Variants in TEAD2 observed in about 807,000 individuals in gnomAD.
TEAD2 encodes transcriptional enhancer factor TEF-4.
Under a neutral mutation model 61.4 loss-of-function variants are expected in TEAD2, and 51 were observed. The observed-to-expected ratio is 0.83, with a 90% confidence interval of 0.66 to 1.05. TEAD2 has a LOEUF of 1.05. TEAD2 is among the 50% of genes least tolerant of loss of function. The pLI is 0.00. For missense variants in TEAD2, 509 were observed against 600.0 expected (o/e 0.85, Z 1.58); for synonymous variants, 244 against 243.2 (o/e 1.00, Z -0.03).
In TEAD2 at chr19:49,342,517, A is replaced by C. The variant is rs1253955969; in HGVS notation, c.1163T>G (p.Val388Gly). 2 of 1,614,038 alleles carry C rather than the reference A, an allele frequency of 1.2e-6. No individual in the cohort carries two copies. The highest frequency in any genetic ancestry group is 1.7e-6 in the Non-Finnish European group (2 of 1,180,020). ...CTGCCGCAACTTGTGCAAGAAATTC[A>C]CCAGGTACTCGCACATGGGCGAGCG... ...LLRSPMCEYL[V>G]NFLHKLRQLP... Residue 388 changes from valine to glycine, a missense_variant, in exon 12 of 13, where the codon GTG becomes GGG. Physicochemically the swap from Val to Gly is moderately radical, Grantham distance 109. Coordinates refer to ENST00000593945, the MANE Select transcript of TEAD2 (RefSeq NM_001256660.2).
intron 5 of TEAD2, 59 bp downstream of exon 5, chr19:49,355,900 C>G: frequency 7.7e-7 from 1 of 1,290,810 alleles, no homozygotes; most frequent in Non-Finnish European, 9.8e-7. Context: ...TGCCCCTCCT[C>G]AGGGACAGGG....
chr19:49,360,001 C>A lies in TEAD2; in HGVS notation c.75G>T (p.Glu25Asp). 6.2e-7 allele frequency: 1 copy of A among 1,609,628 alleles called. No individual in the cohort carries two copies. Among genetic ancestry groups the A allele is most frequent in the Non-Finnish European group, 8.5e-7 (1 of 1,179,902 alleles). ...CAGCCCCCTCACTGCCGCCGGTACC[C>A]TCCTCACTGCCTTCCTCACTGCCCG... Reference protein sequence around the residue: ...GWTGSEEGSEEGTGGSEGAGG... With the variant: ...GWTGSEEGSEDGTGGSEGAGG... The change falls in exon 2 of 13, where the codon GAG (glutamate) becomes GAT (aspartate). Residue 25 changes from glutamate to aspartate, a missense_variant. Transcript: ENST00000593945.
chr19:49,341,891 C>G lies in TEAD2; in HGVS notation c.1243-454G>C, dbSNP rs1420629322. ...CTTCACCAGGGAAGGAGGGACCCACCTTATGTGCGAGTGCTGTGGGGCTGG... is the reference window on the plus strand; with the variant it reads ...CTTCACCAGGGAAGGAGGGACCCACGTTATGTGCGAGTGCTGTGGGGCTGG... On this transcript the variant is annotated intron_variant, in intron 12 of 12. Transcript: ENST00000593945. This position sits in a 1 kb window ranked among gnomAD's most constrained non-coding sequence, Gnocchi z 4.2. 6.6e-6 allele frequency among the ~76,000 whole-genome samples: 1 copy of G among 152,092 alleles called. No homozygotes were observed. The highest frequency in any genetic ancestry group is 1.5e-5 in the Non-Finnish European group (1 of 68,010).
At chr19:49,343,833 GTTGT>G (rs889804061) in intron 10 of TEAD2, among the ~76,000 whole-genome samples, 3 of 129,132 alleles carry the variant, frequency 2.3e-5, no homozygotes, top group Non-Finnish European at 3.3e-5. Context: ...TTGTTTTTTT[GTTGT>G]TTGTTTGTCT....
Position 49,359,411 on chromosome 19 carries a change from A to G in TEAD2, c.297+24T>C. ...AAGAAGACCGGCCCATCCCAGACAG[A>G]AGCCCACAAGTCCATTCCGAGACCT... is the stretch of plus-strand genomic sequence containing the variant. On this transcript the variant is annotated intron_variant, in intron 3 of 12. Coordinates refer to ENST00000593945, the MANE Select transcript of TEAD2 (RefSeq NM_001256660.2). The surrounding 1 kb of genome is among the most constrained non-coding windows in gnomAD (Gnocchi z 4.1). 6.2e-7 allele frequency: 1 copy of G among 1,613,396 alleles called. No homozygotes were observed. The highest frequency in any genetic ancestry group is 1.1e-5 in the South Asian group (1 of 91,006).
intron 5 of TEAD2, 48 bp from the exon 6 acceptor site, chr19:49,355,467 A>G: frequency 6.6e-7 from 1 of 1,513,984 alleles, no homozygotes; most frequent in Non-Finnish European, 9.2e-7. Context: ...CTCAGTCAAC[A>G]TGGCAAGAGG....
intron 10 of TEAD2, among the ~76,000 whole-genome samples, chr19:49,346,188 A>G (rs2146345353): frequency 6.7e-6 from 1 of 149,436 alleles, no homozygotes; most frequent in African/African-American, 2.5e-5. Context: ...AAAAAAAACA[A>G]TAAAAGAAAA....
chr19:49,341,900 G>A lies in TEAD2; in HGVS notation c.1243-463C>T, dbSNP rs1971298375. On this transcript the variant is annotated intron_variant, in intron 12 of 12. Transcript: ENST00000593945. The surrounding 1 kb of genome is among the most constrained non-coding windows in gnomAD (Gnocchi z 4.2). ...GGAAGGAGGGACCCACCTTATGTGC[G>A]AGTGCTGTGGGGCTGGGCGTGGTGG... Among the ~76,000 whole-genome samples the A allele has an allele frequency of 6.6e-6, 1 of 152,086 alleles. No individual in the cohort carries two copies. Among genetic ancestry groups the A allele is most frequent in the Non-Finnish European group, 1.5e-5 (1 of 68,000 alleles).
intron 8 of TEAD2, among the ~76,000 whole-genome samples, chr19:49,349,282 T>G (rs896072607): frequency 4.6e-5 from 7 of 152,018 alleles, no homozygotes; most frequent in Non-Finnish European, 1.0e-4. Context: ...GCTAACATGG[T>G]GAAACCCTGT....
intron 7 of TEAD2, among the ~76,000 whole-genome samples, chr19:49,354,539 C>T (rs535356108): frequency 4.0e-5 from 6 of 151,682 alleles, no homozygotes; most frequent in Admixed American, 1.3e-4. Flanking sequence ...TTCCCATCAT[C>T]TTCTGGGGCC....
Position 49,340,711 on chromosome 19 carries a change from C to G in TEAD2, c.*613G>C, listed in dbSNP as rs1191131125. 2.6e-6 allele frequency: 1 copy of G among 379,284 alleles called. No homozygotes were observed. The highest frequency in any genetic ancestry group is 5.0e-6 in the Non-Finnish European group (1 of 201,540). 23.5% of individuals were successfully genotyped at this position (379,284 alleles called of 1,614,324 possible). On this transcript the variant is annotated 3_prime_UTR_variant, in exon 13 of 13. Coordinates refer to ENST00000593945, the MANE Select transcript of TEAD2 (RefSeq NM_001256660.2). ...AGGAGAGGGATGAGATTAGAAAGTT[C>G]AACACACTGCTTGTGCAGCGGAGAT... is the stretch of plus-strand genomic sequence containing the variant.
At chr19:49,357,067 G>T (rs1002414025) in intron 4 of TEAD2, among the ~76,000 whole-genome samples, 185 bp downstream of exon 4, 2 of 147,734 alleles carry the variant, frequency 1.4e-5, no homozygotes, top group South Asian at 2.2e-4. Flanking sequence ...TCTGGGTCTT[G>T]GTCCCCTCCC....
Position 49,359,224 on chromosome 19 carries a change from C to G in TEAD2, c.297+211G>C. ...CTGCACTCCGGCCTGGGCAACAGAGCTAGACTCCATTTCAAAAAATAAACA... is the reference window on the plus strand; with the variant it reads ...CTGCACTCCGGCCTGGGCAACAGAGGTAGACTCCATTTCAAAAAATAAACA... On this transcript the variant is annotated intron_variant, in intron 3 of 12. Transcript: ENST00000593945. This position sits in a 1 kb window ranked among gnomAD's most constrained non-coding sequence, Gnocchi z 4.1. 3.6e-6 allele frequency: 2 copies of G among 552,632 alleles called. No homozygotes were observed. The highest frequency in any genetic ancestry group is 4.0e-5 in the South Asian group (2 of 49,846). 34.2% of individuals were successfully genotyped at this position (552,632 alleles called of 1,614,324 possible). A position where few individuals can be genotyped will look rare whatever the true frequency, so the allele number is the denominator to read the frequency against.
Position 49,355,973 on chromosome 19 carries a change from G to A in TEAD2, c.361-3C>T. On this transcript the variant is annotated splice_polypyrimidine_tract_variant and splice_region_variant and intron_variant, in intron 4 of 12. Transcript: ENST00000593945. Reference sequence around the variant, plus strand: ...GAGGAACTTACCACGTTCAGAGCCTGCCCGTGGGGGTGGGGGAGGGTGCCA... The same window carrying A: ...GAGGAACTTACCACGTTCAGAGCCTACCCGTGGGGGTGGGGGAGGGTGCCA... 8.0e-7 allele frequency: 1 copy of A among 1,254,564 alleles called. No individual in the cohort carries two copies. Among genetic ancestry groups the A allele is most frequent in the Non-Finnish European group, 1.0e-6 (1 of 999,222 alleles). The allele number at this position is 1,254,564 out of a possible 1,614,324, so 77.7% of individuals were successfully genotyped here.
At chr19:49,351,187 C>CA in intron 8 of TEAD2, 114 bp downstream of exon 8, 4 of 1,117,394 alleles carry the variant, frequency 3.6e-6, no homozygotes, top group Non-Finnish European at 3.8e-6. Context: ...CAAAACAAAA[C>CA]AAAATAAAAC....
intron 1 of TEAD2, among the ~76,000 whole-genome samples, chr19:49,360,736 G>GA: frequency 1.2e-5 from 1 of 83,484 alleles, no homozygotes; most frequent in South Asian, 3.7e-4. Flanking sequence ...GAGAGAGGGG[G>GA]ACAGAGACCC....
rs1030583442 is a variant in TEAD2 at position 49,357,520 on chromosome 19, C to T, written c.298-206G>A. On this transcript the variant is annotated intron_variant, in intron 3 of 12. Coordinates refer to ENST00000593945, the MANE Select transcript of TEAD2 (RefSeq NM_001256660.2). ...ACCACGGACCCTCCCGGGACCCATCCCATCCAGGCCTCCTTCCCCTCCACC... is the reference window on the plus strand; with the variant it reads ...ACCACGGACCCTCCCGGGACCCATCTCATCCAGGCCTCCTTCCCCTCCACC... 5 of 605,002 alleles carry T rather than the reference C, an allele frequency of 8.3e-6. No homozygotes were observed. In the African/African-American group the frequency reaches 9.2e-5, roughly 11 times the overall value. 37.5% of individuals were successfully genotyped at this position (605,002 alleles called of 1,614,324 possible). A position where few individuals can be genotyped will look rare whatever the true frequency, so the allele number is the denominator to read the frequency against.
At position 49,355,151 on chromosome 19, in the gene TEAD2, G is replaced by A. The variant is rs1479077886; in HGVS notation, c.536C>T (p.Pro179Leu). The change falls in exon 7 of 13, where the codon CCA (proline) becomes CTA (leucine). Residue 179 changes from proline (P) to leucine (L), a missense_variant. Transcript: ENST00000593945. ...SGGSGPPWNVPDVKPFSQTPF... is the reference protein window; with the variant it reads ...SGGSGPPWNVLDVKPFSQTPF... ...AGCCAGGACACATAGTACTCACTCT[G>A]GAACATTCCAGGGGGGCCCAGATCC... 6.2e-7 allele frequency: 1 copy of A among 1,608,146 alleles called. No individual in the cohort carries two copies. Among genetic ancestry groups the A allele is most frequent in the African/African-American group, 1.3e-5 (1 of 74,728 alleles).
chr19:49,340,668 C>G lies in TEAD2; in HGVS notation c.*656G>C. The G allele has an allele frequency of 2.1e-6, 1 of 465,702 alleles. No homozygotes were observed. The highest frequency in any genetic ancestry group is 4.0e-6 in the Non-Finnish European group (1 of 252,888). 28.8% of individuals were successfully genotyped at this position (465,702 alleles called of 1,614,324 possible). A position where few individuals can be genotyped will look rare whatever the true frequency, so the allele number is the denominator to read the frequency against. On this transcript the variant is annotated 3_prime_UTR_variant, in exon 13 of 13. Transcript: ENST00000593945. ...TTTGAGAGGGGAGGAAGGAAACCGT[C>G]TAGCTCAGGGCTCACTTAGGAGAGG... is the stretch of plus-strand genomic sequence containing the variant.
Sources: allele counts gnomAD v4.1 joint callset (sites outside exome capture counted in the v4.1 genomes callset), GRCh38; gene constraint gnomAD v4.1.1; non-coding constraint Gnocchi (gnomAD v3.1); transcripts MANE v1.5; gene names NCBI Gene and HGNC (gene_info 2026-07-23, HGNC 2026-07-21).